PHKA2: variants seen among roughly 807,000 people sequenced by gnomAD.
PHKA2 encodes the protein phosphorylase b kinase regulatory subunit alpha, liver isoform.
In PHKA2, 31 loss-of-function variants were observed where a neutral mutation model predicts 102.0. The observed-to-expected ratio is 0.30, with a 90% confidence interval of 0.23 to 0.41. The LOEUF (loss-of-function observed/expected upper bound fraction) is 0.41. Among genes scored for constraint, PHKA2 ranks in the 10% least tolerant of loss-of-function variants. The pLI is 1.00. For missense variants in PHKA2, 858 were observed against 1,023.1 expected (o/e 0.84, Z 2.20); for synonymous variants, 455 against 416.2 (o/e 1.09, Z -1.13).
intron 10 of PHKA2, among the ~76,000 whole-genome samples, chrX:18,937,753 C>CG (rs752282780): frequency 1.3e-4 from 14 of 111,899 alleles, no homozygotes; most frequent in Non-Finnish European, 2.3e-4. Flanking sequence ...CCCCACAAAA[C>CG]GCATGAAGTG....
intron 28 of PHKA2, 129 bp downstream of exon 28, chrX:18,900,541 T>C: frequency 1.7e-6 from 1 of 598,486 alleles, no homozygotes; most frequent in Admixed American, 2.3e-5. Context: ...TCTCTGCCTG[T>C]GCCCCAGCCC....
At chrX:18,893,696 C>T in intron 32 of PHKA2, 41 bp from the exon 33 acceptor site, 1 of 1,145,872 alleles carries the variant, frequency 8.7e-7, no homozygotes, top group Non-Finnish European at 1.2e-6. Context: ...AGCGGAGCCC[C>T]CACTCCCCGT....
At chrX:18,932,543 T>C (rs1379650923) in intron 11 of PHKA2, among the ~76,000 whole-genome samples, 6 of 109,800 alleles carry the variant, frequency 5.5e-5, no homozygotes, top group Non-Finnish European at 1.1e-4. Context: ...GATTAATCAA[T>C]GATGTTATTA....
At chrX:18,911,006 A>G in intron 19 of PHKA2, 46 bp from the exon 20 acceptor site, 1 of 816,695 alleles carries the variant, frequency 1.2e-6, no homozygotes, top group East Asian at 4.0e-5. Context: ...GAGGAAGAAC[A>G]ACACTTTTTT....
intron 1 of PHKA2, among the ~76,000 whole-genome samples, chrX:18,954,886 C>A (rs2048752039): frequency 8.9e-6 from 1 of 112,094 alleles, no homozygotes; most frequent in Non-Finnish European, 1.9e-5. Flanking sequence ...CCAGGGAAGC[C>A]ACTTTCCCTC....
intron 4 of PHKA2, among the ~76,000 whole-genome samples, chrX:18,949,452 A>G (rs936232247): frequency 8.9e-6 from 1 of 112,146 alleles, no homozygotes; most frequent in Non-Finnish European, 1.9e-5. Context: ...CAATTTGGCA[A>G]TATATATGAG....
At chrX:18,931,777 A>G in intron 11 of PHKA2, 29 bp from the exon 12 acceptor site, 1 of 1,001,504 alleles carries the variant, frequency 1.0e-6, no homozygotes, top group Non-Finnish European at 1.4e-6. Context: ...CCAAAGTCAG[A>G]AAGTCAGAGG....
chrX:18,929,430 C>T (rs970591824), intron 12 of PHKA2, 124 bp from the exon 13 acceptor site: 8 of 522,374 alleles, frequency 1.5e-5, no homozygotes, highest in African/African-American at 4.7e-5. Context: ...TTATATTTTT[C>T]GAGTCAATTG....
intron 8 of PHKA2, among the ~76,000 whole-genome samples, chrX:18,940,776 C>T (rs774199582): frequency 2.7e-4 from 30 of 111,795 alleles, no homozygotes; most frequent in African/African-American, 9.1e-4. Flanking sequence ...CGACCAGCAC[C>T]GCACTGTCCT....
At chrX:18,895,937 A>AT (rs2047543493) in intron 30 of PHKA2, 1 of 111,835 alleles carries the variant, frequency 8.9e-6, no homozygotes, top group African/African-American at 3.3e-5. Context: ...CCCCTGCAGG[A>AT]TCCTGCCTGG....
intron 12 of PHKA2, among the ~76,000 whole-genome samples, chrX:18,929,557 A>G (rs1213662277): frequency 1.8e-5 from 2 of 112,284 alleles, no homozygotes; most frequent in African/African-American, 6.5e-5. Context: ...ATGAGCAAAA[A>G]GAATGATAAC....
chrX:18,952,399 GAAGAA>G, intron 3 of PHKA2, 90 bp downstream of exon 3: 1 of 711,299 alleles, frequency 1.4e-6, no homozygotes, highest in South Asian at 2.2e-5. Flanking sequence ...TTCCTCTTGA[GAAGAA>G]AAGTACAAAA....
chrX:18,979,133 C>A (rs1230434035), intron 1 of PHKA2, among the ~76,000 whole-genome samples: 2 of 111,322 alleles, frequency 1.8e-5, no homozygotes, highest in Non-Finnish European at 3.8e-5. Context: ...AAGACTGTCT[C>A]AAAAAACAAA....
At chrX:18,915,669 C>T (rs935778671) in intron 19 of PHKA2, 26 of 109,071 alleles carry the variant, frequency 2.4e-4, no homozygotes, top group Admixed American at 2.2e-3. Context: ...TCAGCCACTG[C>T]GTCTGGCCAA....
intron 1 of PHKA2, among the ~76,000 whole-genome samples, chrX:18,977,690 C>CA (rs200407625): frequency 3.7e-5 from 4 of 108,253 alleles, no homozygotes; most frequent in Admixed American, 9.9e-5. Context: ...ATTTCAAAGT[C>CA]AAAAAAAAAA....
At chrX:18,956,154 T>C (rs985123747) in intron 1 of PHKA2, among the ~76,000 whole-genome samples, 3 of 111,177 alleles carry the variant, frequency 2.7e-5, no homozygotes, top group African/African-American at 9.8e-5. Flanking sequence ...TGAAACCCCA[T>C]CTCTACTAAA....
chrX:18,895,275 C>G (rs765694069), intron 30 of PHKA2, 84 bp from the exon 31 acceptor site: 9 of 865,132 alleles, frequency 1.0e-5, no homozygotes, highest in African/African-American at 2.0e-5. Flanking sequence ...CATGCACACA[C>G]AGCACCCTCT....
intron 7 of PHKA2, 151 bp downstream of exon 7, chrX:18,943,559 G>T: frequency 1.8e-6 from 1 of 548,035 alleles, no homozygotes; most frequent in Non-Finnish European, 3.3e-6. Flanking sequence ...GAGGCCAGAG[G>T]GTCCAGGATG....
chrX:18,903,147 T>C (rs755928263), intron 26 of PHKA2, among the ~76,000 whole-genome samples: 1 of 112,239 alleles, frequency 8.9e-6, no homozygotes, highest in African/African-American at 3.2e-5. Flanking sequence ...ACATACATTC[T>C]GTGGTATGGT....
Sources: gnomAD v4.1 joint callset for allele counts (sites outside exome capture counted in the v4.1 genomes callset) on GRCh38, gnomAD v4.1.1 for gene constraint, MANE v1.5 for transcripts, NCBI Gene and HGNC (gene_info 2026-07-23, HGNC 2026-07-21) for gene names.